Variants in RBM44 observed in about 807,000 individuals in gnomAD.
RBM44 encodes RNA binding motif protein 44.
RBM44 carries 66 observed loss-of-function variants against 105.1 expected under a neutral mutation model. The observed-to-expected ratio is 0.63, with a 90% CI of 0.52 to 0.77. The LOEUF (loss-of-function observed/expected upper bound fraction) is 0.77, where lower values mean the gene tolerates loss of function less well. RBM44 is among the 30% of genes least tolerant of loss of function. RBM44 has a pLI of 0.00. For missense variants in RBM44, 1,122 were observed against 1,207.8 expected (o/e 0.93, Z 1.05); for synonymous variants, 365 against 417.6 (o/e 0.87, Z 1.54).
At chr2:237,804,817 CT>C (rs869115184) in intron 1 of RBM44, among the ~76,000 whole-genome samples, 1 of 152,030 alleles carries the variant, frequency 6.6e-6, no homozygotes, top group East Asian at 1.9e-4. Context: ...TGCCACTTGT[CT>C]TTTTTTTCTT....
chr2:237,811,947 C>T lies in RBM44; in HGVS notation c.-18-1645C>T, dbSNP rs191461773. 2.3e-3 allele frequency among the ~76,000 whole-genome samples: 355 copies of T among 152,238 alleles called. 11 individuals carry two copies. The highest frequency in any genetic ancestry group is 0.021 in the Admixed American group (321 of 15,296). On this transcript the variant is annotated intron_variant, in intron 1 of 15. Transcript: ENST00000316997. ...TCAGCTCACTGCAACCTCCATCTGC[C>T]GGGTTCAAGTAATTCTCGTGCCTCA...
intron 5 of RBM44, chr2:237,820,634 G>A (rs540385420): frequency 6.3e-5 from 17 of 269,312 alleles, no homozygotes; most frequent in African/African-American, 2.0e-4. Context: ...GCTACCACAC[G>A]TTCTCTGGCT....
chr2:237,835,875 C>T (rs1405955825), intron 15 of RBM44, among the ~76,000 whole-genome samples: 1 of 152,090 alleles, frequency 6.6e-6, no homozygotes, highest in Non-Finnish European at 1.5e-5. Context: ...CCACCCTTTC[C>T]CTCAGTCCCC....
rs1449783314 is a variant in RBM44, at chr2:237,818,231, A to G, written c.1312A>G (p.Thr438Ala). ...TSLKVAHSSTTKKTCFHNIGE... is the reference protein window; with the variant it reads ...TSLKVAHSSTAKKTCFHNIGE... ...CCTAAAAGTTGCTCATAGCAGTACCACAAAGAAAACATGCTTTCACAATAT... is the reference window on the plus strand; with the variant it reads ...CCTAAAAGTTGCTCATAGCAGTACCGCAAAGAAAACATGCTTTCACAATAT... The change falls in exon 3 of 16, where the codon ACA becomes GCA. Residue 438 changes from threonine (T) to alanine (A), a missense_variant. Thr to Ala is a moderately conservative substitution (Grantham distance 58). Around this residue, in one of 3 missense-constraint regions of RBM44, gnomAD observed 918 missense variants for 955.3 expected, o/e 0.96. Transcript: ENST00000316997. The surrounding 1 kb of genome is among the most constrained non-coding windows in gnomAD (Gnocchi z 4.6). The G allele has an allele frequency of 1.2e-6, 2 of 1,613,150 alleles. No individual in the cohort carries two copies. Among genetic ancestry groups the G allele is most frequent in the African/African-American group, 2.7e-5 (2 of 74,890 alleles).
At chr2:237,800,748 C>T (rs1290080309) in intron 1 of RBM44, among the ~76,000 whole-genome samples, 11 of 129,050 alleles carry the variant, frequency 8.5e-5, no homozygotes, top group East Asian at 2.4e-4. Flanking sequence ...TTTTTTGAGG[C>T]GGAGTTTCAC....
Position 237,817,979 on chromosome 2 carries a change from C to T in RBM44, c.1060C>T (p.His354Tyr). ...NKIVENKILL[H>Y]LENPSTLPQD... ...AATTGTTGAGAACAAAATATTACTG[C>T]ACCTTGAAAATCCTAGCACATTACC... The change falls in exon 3 of 16, where the codon CAC becomes TAC. Residue 354 changes from histidine (H) to tyrosine (Y), a missense_variant. Transcript: ENST00000316997. The T allele has an allele frequency of 6.2e-7, 1 of 1,612,092 alleles. No homozygotes were observed. Among genetic ancestry groups the T allele is most frequent in the Non-Finnish European group, 8.5e-7 (1 of 1,179,068 alleles).
intron 15 of RBM44, among the ~76,000 whole-genome samples, chr2:237,838,656 C>G (rs985340213): frequency 1.3e-5 from 2 of 152,000 alleles, no homozygotes; most frequent in African/African-American, 4.8e-5. Context: ...TCAAGACCAC[C>G]CCAAGCTTCA....
At chr2:237,801,093 T>C (rs969751448) in intron 1 of RBM44, among the ~76,000 whole-genome samples, 6 of 152,156 alleles carry the variant, frequency 3.9e-5, no homozygotes, top group African/African-American at 1.4e-4. Context: ...CCCAACACTT[T>C]GAAAGGCTGA....
rs75663635 is a variant in RBM44 at position 237,823,134 on chromosome 2, T to C, written c.2206-306T>C. On this transcript the variant is annotated intron_variant, in intron 8 of 15. Transcript: ENST00000316997. ...TGTGTATATATATAATATATATATA[T>C]ACACCTCCAAAAATTATCTCGATTA... Among the ~76,000 whole-genome samples, 10 of 151,600 alleles carry C rather than the reference T, an allele frequency of 6.6e-5. No individual in the cohort carries two copies. In the East Asian group the frequency reaches 1.6e-3, roughly 24 times the overall value.
At chr2:237,805,536 G>A (rs946030091) in intron 1 of RBM44, among the ~76,000 whole-genome samples, 1 of 152,148 alleles carries the variant, frequency 6.6e-6, no homozygotes, top group African/African-American at 2.4e-5. Context: ...CAAAGCAATG[G>A]GAGAAGGACT....
intron 10 of RBM44, 61 bp from the exon 11 acceptor site, chr2:237,827,189 T>A: frequency 1.0e-6 from 1 of 954,554 alleles, no homozygotes; most frequent in South Asian, 1.5e-5. Context: ...GTGTTCACAT[T>A]TTCTCTGAAA....
chr2:237,808,481 GAAAAA>G (rs61185065), intron 1 of RBM44, among the ~76,000 whole-genome samples: 129 of 125,416 alleles, frequency 1.0e-3, no homozygotes, highest in Middle Eastern at 8.3e-3. Flanking sequence ...AAGCATAACA[GAAAAA>G]AAAAAAAACT....
intron 8 of RBM44, among the ~76,000 whole-genome samples, chr2:237,822,185 C>T (rs2061799519): frequency 6.6e-6 from 1 of 152,092 alleles, no homozygotes; most frequent in African/African-American, 2.4e-5. Flanking sequence ...TTAAAACTAA[C>T]ACTTTGTACG....
intron 10 of RBM44, among the ~76,000 whole-genome samples, chr2:237,826,860 G>T (rs544886574): frequency 6.6e-6 from 1 of 152,230 alleles, no homozygotes; most frequent in East Asian, 1.9e-4. Flanking sequence ...AAGGATGTGT[G>T]TAGGTTATAT....
intron 1 of RBM44, among the ~76,000 whole-genome samples, chr2:237,805,296 C>T (rs2061587795): frequency 6.6e-6 from 1 of 152,180 alleles, no homozygotes; most frequent in Non-Finnish European, 1.5e-5. Flanking sequence ...GGTGAAAGAT[C>T]TCTACAAGGC....
chr2:237,836,697 T>C (rs1041906354), intron 15 of RBM44, among the ~76,000 whole-genome samples: 7 of 151,770 alleles, frequency 4.6e-5, no homozygotes, highest in South Asian at 4.2e-4. Context: ...AGAGAATCAC[T>C]TGAACCTGGG....
rs1260547611 is a variant in RBM44 at position 237,810,237 on chromosome 2, A to G, written c.-18-3355A>G. Among the ~76,000 whole-genome samples, 9 of 152,242 alleles carry G rather than the reference A, an allele frequency of 5.9e-5. No homozygotes were observed. In the South Asian group the frequency reaches 1.2e-3, roughly 21 times the overall value. On this transcript the variant is annotated intron_variant, in intron 1 of 15. Transcript: ENST00000316997. ...AATAGCCATGTGTGGCTGCTGGTCAATGCAGCTCTAGGTAATTTTGCTGAT... is the reference window on the plus strand; with the variant it reads ...AATAGCCATGTGTGGCTGCTGGTCAGTGCAGCTCTAGGTAATTTTGCTGAT...
chr2:237,837,504 G>C (rs115647240), intron 15 of RBM44, among the ~76,000 whole-genome samples: 6,606 of 152,244 alleles, frequency 0.043, 206 homozygotes, highest in Middle Eastern at 0.16. Context: ...ACTTTAAGGG[G>C]TTCAAGACTT....
chr2:237,824,455 T>C, intron 10 of RBM44, 36 bp downstream of exon 10: 1 of 1,584,588 alleles, frequency 6.3e-7, no homozygotes, highest in Non-Finnish European at 8.6e-7. Flanking sequence ...AATCCTAACC[T>C]AGATCATTTG....
Sources: gnomAD v4.1 joint callset for allele counts (sites outside exome capture counted in the v4.1 genomes callset) on GRCh38, gnomAD v4.1.1 for gene constraint, gnomAD v4.1.1 regional missense constraint, Gnocchi (gnomAD v3.1) non-coding constraint, MANE v1.5 for transcripts, NCBI Gene and HGNC (gene_info 2026-07-23, HGNC 2026-07-21) for gene names.